NKD1: variants seen among roughly 807,000 people sequenced by gnomAD.
The protein encoded by NKD1 is protein naked cuticle homolog 1.
NKD1 carries 21 observed loss-of-function variants against 56.0 expected under a neutral mutation model. That is an observed-to-expected ratio of 0.38 (90% CI 0.27 to 0.54). The LOEUF (loss-of-function observed/expected upper bound fraction) is 0.54, where lower values mean the gene tolerates loss of function less well. Ranked by LOEUF, NKD1 falls within the 20% of genes least tolerant of loss-of-function variation. The pLI is 0.82. For missense variants in NKD1, 578 were observed against 642.7 expected (o/e 0.90, Z 1.09); for synonymous variants, 263 against 265.7 (o/e 0.99, Z 0.10).
At chr16:50,613,496 G>C (rs1391011455) in intron 4 of NKD1, 1 of 152,138 alleles carries the variant, frequency 6.6e-6, no homozygotes, top group Non-Finnish European at 1.5e-5. Flanking sequence ...AGCCTGTCCT[G>C]TCGGGGGGTG....
chr16:50,631,911 C>G (rs1962354023), intron 8 of NKD1, among the ~76,000 whole-genome samples: 1 of 152,244 alleles, frequency 6.6e-6, no homozygotes, highest in Admixed American at 6.5e-5. Context: ...GGAACCAGGC[C>G]AGGGGTTAGG....
chr16:50,632,364 T>G lies in NKD1; in HGVS notation c.779T>G (p.Leu260Ter). The stretch of plus-strand genomic sequence containing the variant: ...AACATCGAGAGGAGAAACCACTACT[T>G]AGATCTCGCCGGGATAGAAAACTAC... The part of the protein sequence containing the change: ...DENIERRNHY[L>*]DLAGIENYTS... Residue 260 changes from leucine (L) to a stop codon, truncating the protein, a stop_gained, in exon 9 of 10, where the codon TTA becomes TGA. Transcript: ENST00000268459. LOFTEE classifies it high-confidence loss of function. This position sits in a 1 kb window ranked among gnomAD's most constrained non-coding sequence, Gnocchi z 4.1. 1 of 1,614,028 alleles carries G rather than the reference T, an allele frequency of 6.2e-7. No individual in the cohort carries two copies. The highest frequency in any genetic ancestry group is 8.5e-7 in the Non-Finnish European group (1 of 1,179,978).
chr16:50,561,157 A>T (rs1232766783), intron 3 of NKD1, among the ~76,000 whole-genome samples: 2 of 152,104 alleles, frequency 1.3e-5, no homozygotes, highest in Non-Finnish European at 2.9e-5. Flanking sequence ...GAGCAGTCCC[A>T]TGGAGGGGGG....
At position 50,548,723 on chromosome 16, in the gene NKD1, TG is replaced by T; in HGVS notation, c.33del (p.Cys12AlafsTer14). On this transcript the variant is annotated frameshift_variant, in exon 2 of 10. Transcript: ENST00000268459. LOFTEE classifies it high-confidence loss of function. Reference protein sequence around the residue: MGKLHSKPAAVCKRRESPEGD... With the variant: MGKLHSKPAAXCKRRESPEGD... ...CCTCGCGATGTGCCTGCAGCCGCCG[TG>T]TGCAAGCGCAGGGAGAGCCCGGAAG... 1 of 1,452,594 alleles carries T rather than the reference TG, an allele frequency of 6.9e-7. No individual in the cohort carries two copies. Among genetic ancestry groups the T allele is most frequent in the Non-Finnish European group, 9.0e-7 (1 of 1,112,110 alleles). 90.0% of individuals were successfully genotyped at this position (1,452,594 alleles called of 1,614,324 possible).
chr16:50,581,124 G>A (rs1029964749), intron 3 of NKD1, among the ~76,000 whole-genome samples: 10 of 152,130 alleles, frequency 6.6e-5, no homozygotes, highest in African/African-American at 1.9e-4. Context: ...TAGCTCCTAT[G>A]GGATTGGGGC....
chr16:50,585,598 G>T (rs775008444), intron 3 of NKD1, among the ~76,000 whole-genome samples: 12 of 152,208 alleles, frequency 7.9e-5, no homozygotes, highest in Non-Finnish European at 1.6e-4. Context: ...CTGCCTCCAA[G>T]ATCCAGCCGC....
At chr16:50,606,606 T>C (rs1029949724) in intron 3 of NKD1, 1 of 366,740 alleles carries the variant, frequency 2.7e-6, no homozygotes, top group African/African-American at 2.1e-5. Flanking sequence ...CCCACACGGC[T>C]GCCTTGTTGG....
intron 3 of NKD1, among the ~76,000 whole-genome samples, chr16:50,604,652 G>T (rs1401301151): frequency 6.6e-6 from 1 of 152,232 alleles, no homozygotes; most frequent in Non-Finnish European, 1.5e-5. Context: ...CCCCAAGGTG[G>T]TGCAGCATGT....
chr16:50,552,392 CAG>C (rs1960408448), intron 3 of NKD1: 1 of 152,222 alleles, frequency 6.6e-6, no homozygotes, highest in Non-Finnish European at 1.5e-5. Flanking sequence ...ACAAAACTCC[CAG>C]AGAGGGGGTG....
intron 4 of NKD1, among the ~76,000 whole-genome samples, chr16:50,617,827 C>T (rs1961996789): frequency 6.6e-6 from 1 of 152,234 alleles, no homozygotes; most frequent in Non-Finnish European, 1.5e-5. Flanking sequence ...GTGAAACTGT[C>T]TGTGCCCTGC....
chr16:50,626,468 C>T (rs867963449), intron 6 of NKD1, among the ~76,000 whole-genome samples: 2 of 152,094 alleles, frequency 1.3e-5, no homozygotes, highest in African/African-American at 2.4e-5. Flanking sequence ...CTGAAGGAGG[C>T]GGCAAGGGAG....
chr16:50,563,690 C>T (rs1294119306), intron 3 of NKD1, among the ~76,000 whole-genome samples: 1 of 135,332 alleles, frequency 7.4e-6, no homozygotes, highest in Non-Finnish European at 1.6e-5. Flanking sequence ...CCCTGTGTGT[C>T]AGGCTAAACT....
intron 3 of NKD1, among the ~76,000 whole-genome samples, chr16:50,570,521 C>T (rs1960857929): frequency 6.6e-6 from 1 of 152,244 alleles, no homozygotes; most frequent in Non-Finnish European, 1.5e-5. Flanking sequence ...CTGCCACTTA[C>T]TAGCTGTGTG....
At chr16:50,592,396 C>A (rs1315432947) in intron 3 of NKD1, among the ~76,000 whole-genome samples, 1 of 152,258 alleles carries the variant, frequency 6.6e-6, no homozygotes, top group East Asian at 1.9e-4. Context: ...TTGTCCCTGC[C>A]TGGCATCGCA....
Position 50,623,812 on chromosome 16 carries a change from G to A in NKD1, c.367-1673G>A, listed in dbSNP as rs1414618650. 2.6e-5 allele frequency among the ~76,000 whole-genome samples: 4 copies of A among 151,478 alleles called. No homozygotes were observed. The highest frequency in any genetic ancestry group is 2.0e-4 in the Admixed American group (3 of 15,190). ...TGTGCACGTATAGGGGTATACCTGT[G>A]TAGGTATGCGTGTGTGTAGGTACGT... On this transcript the variant is annotated intron_variant, in intron 5 of 9. Transcript: ENST00000268459. The surrounding 1 kb of genome is among the most constrained non-coding windows in gnomAD (Gnocchi z 4.1).
intron 4 of NKD1, among the ~76,000 whole-genome samples, chr16:50,610,464 G>C (rs1031891012): frequency 2.0e-5 from 3 of 152,198 alleles, no homozygotes; most frequent in African/African-American, 4.8e-5. Flanking sequence ...AGGCCACCGC[G>C]TGGCCAGGTC....
At chr16:50,588,593 T>A (rs370660613) in intron 3 of NKD1, among the ~76,000 whole-genome samples, 18 of 149,764 alleles carry the variant, frequency 1.2e-4, no homozygotes, top group Non-Finnish European at 1.6e-4. Context: ...TTTTCTTTTC[T>A]TCTGCTTTTT....
At chr16:50,604,250 C>T (rs1464956754) in intron 3 of NKD1, among the ~76,000 whole-genome samples, 6 of 152,182 alleles carry the variant, frequency 3.9e-5, no homozygotes, top group Admixed American at 6.5e-5. Context: ...CTCTCTGTGC[C>T]TCACTCATCT....
chr16:50,628,830 G>T (rs1009632910), intron 6 of NKD1, among the ~76,000 whole-genome samples: 1 of 152,196 alleles, frequency 6.6e-6, no homozygotes, highest in Non-Finnish European at 1.5e-5. Flanking sequence ...GGTTCTGGAG[G>T]CTGGAAGTCC....
Sources: gnomAD v4.1 joint callset for allele counts (sites outside exome capture counted in the v4.1 genomes callset) on GRCh38, gnomAD v4.1.1 for gene constraint, Gnocchi (gnomAD v3.1) non-coding constraint, MANE v1.5 for transcripts, NCBI Gene and HGNC (gene_info 2026-07-23, HGNC 2026-07-21) for gene names.